FTO: variants seen among roughly 807,000 people sequenced by gnomAD.
FTO encodes the protein FTO alpha-ketoglutarate dependent dioxygenase, also known as alpha-ketoglutarate-dependent dioxygenase FTO.
In FTO, 47 loss-of-function variants were observed where a neutral mutation model predicts 63.9. That is an observed-to-expected ratio of 0.74 (90% CI 0.58 to 0.94). The LOEUF (loss-of-function observed/expected upper bound fraction) is 0.94. Among genes scored for constraint, FTO ranks in the 40% least tolerant of loss-of-function variants. The pLI is 0.00. For synonymous variants in FTO, 207 were observed against 224.4 expected, an observed-to-expected ratio of 0.92 and a Z score of 0.69; for missense variants, 562 against 618.1, an observed-to-expected ratio of 0.91 and a Z score of 0.96.
chr16:53,867,522 T>TGC (rs2080356676), intron 4 of FTO, among the ~76,000 whole-genome samples: 7 of 151,880 alleles, frequency 4.6e-5, no homozygotes, highest in Admixed American at 4.6e-4. Flanking sequence ...TGTGTGTGTG[T>TGC]GTGTGTTTGT....
chr16:53,710,515 G>A (rs375672549), intron 1 of FTO, among the ~76,000 whole-genome samples: 9 of 152,026 alleles, frequency 5.9e-5, no homozygotes, highest in East Asian at 5.8e-4. Flanking sequence ...CACCTGCCTC[G>A]GCCTCCCAAA....
intron 1 of FTO, among the ~76,000 whole-genome samples, chr16:53,739,460 C>A (rs564924552): frequency 6.6e-6 from 1 of 151,752 alleles, no homozygotes; most frequent in Non-Finnish European, 1.5e-5. Flanking sequence ...GTGATCCGCC[C>A]GCCTTGGCCT....
intron 1 of FTO, among the ~76,000 whole-genome samples, chr16:53,792,366 GTATT>G (rs1006127675): frequency 2.0e-5 from 3 of 152,176 alleles, no homozygotes; most frequent in African/African-American, 7.2e-5. Flanking sequence ...ACAGGGGAAA[GTATT>G]TAATGTCTGA....
intron 8 of FTO, among the ~76,000 whole-genome samples, chr16:54,008,262 GACA>G (rs768694813): frequency 6.6e-6 from 1 of 151,946 alleles, no homozygotes; most frequent in Non-Finnish European, 1.5e-5. Flanking sequence ...TGAACCCACC[GACA>G]ACATCACAGA....
chr16:53,965,867 A>AC lies in FTO; in HGVS notation c.1364+31759dup, dbSNP rs2083185024. ...GCCAACCTTATAGAGTAATTTTGAA[A>AC]CTTTTTTTTTTTTTTTTTGAGTTAG... is the stretch of plus-strand genomic sequence containing the variant. On this transcript the variant is annotated intron_variant, in intron 8 of 8. Transcript: ENST00000471389. 2.0e-5 allele frequency: 3 copies of AC among 148,274 alleles called. No individual in the cohort carries two copies. In the South Asian group the frequency reaches 6.4e-4, roughly 32 times the overall value. The allele number at this position is 148,274 out of a possible 1,614,324, so 9.2% of individuals were successfully genotyped here.
At chr16:54,053,788 AC>A (rs2085366044) in intron 8 of FTO, among the ~76,000 whole-genome samples, 3 of 152,180 alleles carry the variant, frequency 2.0e-5, no homozygotes, top group African/African-American at 7.2e-5. Flanking sequence ...GAAACAGTCT[AC>A]AAAAAAAGCA....
At chr16:53,870,836 C>G (rs1233769517) in intron 4 of FTO, among the ~76,000 whole-genome samples, 1 of 152,176 alleles carries the variant, frequency 6.6e-6, no homozygotes, top group Middle Eastern at 3.2e-3. Context: ...TGTAGAATTT[C>G]ATAACTATTC....
chr16:54,111,639 C>T, intron 8 of FTO, 123 bp from the exon 9 acceptor site: 1 of 1,010,928 alleles, frequency 9.9e-7, no homozygotes, highest in East Asian at 2.4e-5. Context: ...CAGTCGTCAC[C>T]ATGACCTTCA....
chr16:53,994,342 C>CT (rs1275742066), intron 8 of FTO: 23 of 152,044 alleles, frequency 1.5e-4, no homozygotes, highest in African/African-American at 5.5e-4. Flanking sequence ...TGGATTCTTT[C>CT]TTTTTATTAT....
chr16:53,707,498 A>G (rs995583753), intron 1 of FTO, among the ~76,000 whole-genome samples: 3 of 152,142 alleles, frequency 2.0e-5, no homozygotes, highest in Non-Finnish European at 4.4e-5. Context: ...ATTCGGACAT[A>G]TCTTTTTGGG....
At chr16:53,718,697 G>A (rs1158813826) in intron 1 of FTO, among the ~76,000 whole-genome samples, 2 of 151,766 alleles carry the variant, frequency 1.3e-5, no homozygotes, top group Admixed American at 1.3e-4. Flanking sequence ...TTGAATTTTA[G>A]GAACATTTTT....
Position 54,114,186 on chromosome 16 carries a change from T to C in FTO, c.*2271T>C, listed in dbSNP as rs1257248175. The C allele has an allele frequency of 6.6e-6, 1 of 152,198 alleles. No individual in the cohort carries two copies. The highest frequency in any genetic ancestry group is 6.5e-5 in the Admixed American group (1 of 15,276). 9.4% of individuals were successfully genotyped at this position (152,198 alleles called of 1,614,324 possible). On this transcript the variant is annotated 3_prime_UTR_variant, in exon 9 of 9. Transcript: ENST00000471389. ...CGCATGGCAGCAAGCTAAATAAGCA[T>C]CTTCCCACTGCGAGTTGGGGCATGA... is the stretch of plus-strand genomic sequence containing the variant.
chr16:53,960,578 G>A (rs566964755), intron 8 of FTO, among the ~76,000 whole-genome samples: 3 of 152,260 alleles, frequency 2.0e-5, no homozygotes, highest in Non-Finnish European at 2.9e-5. Context: ...CTCTGGTGCT[G>A]GGGGAATCTT....
chr16:53,884,329 C>G (rs2080940298), intron 6 of FTO, among the ~76,000 whole-genome samples: 1 of 152,174 alleles, frequency 6.6e-6, no homozygotes, highest in South Asian at 2.1e-4. Context: ...TAAATGTCCC[C>G]TAGAAGAATG....
intron 7 of FTO, among the ~76,000 whole-genome samples, chr16:53,903,700 C>T (rs1178701364): frequency 6.6e-6 from 1 of 152,106 alleles, no homozygotes; most frequent in Non-Finnish European, 1.5e-5. Context: ...CTTATGTAAC[C>T]AGACTTCTAC....
chr16:53,931,311 T>C (rs1226251687), intron 7 of FTO, among the ~76,000 whole-genome samples: 2 of 149,634 alleles, frequency 1.3e-5, no homozygotes, highest in Non-Finnish European at 3.0e-5. Flanking sequence ...TTTTTTTTTT[T>C]TTTTTTTTTT....
At chr16:53,781,052 T>G (rs189024442) in intron 1 of FTO, among the ~76,000 whole-genome samples, 5 of 152,364 alleles carry the variant, frequency 3.3e-5, no homozygotes, top group African/African-American at 1.2e-4. Context: ...GAATCTTATG[T>G]GTCACATTCC....
At chr16:53,967,154 G>A (rs1179546297) in intron 8 of FTO, among the ~76,000 whole-genome samples, 4 of 151,830 alleles carry the variant, frequency 2.6e-5, no homozygotes, top group Non-Finnish European at 2.9e-5. Context: ...TTTTTTGCAC[G>A]GTGGGGATGA....
intron 8 of FTO, among the ~76,000 whole-genome samples, chr16:54,081,239 C>T (rs543653677): frequency 6.6e-6 from 1 of 152,208 alleles, no homozygotes; most frequent in South Asian, 2.1e-4. Context: ...GAAAGTGATA[C>T]GAGAACAGGG....
Sources: gnomAD v4.1 joint callset for allele counts (sites outside exome capture counted in the v4.1 genomes callset) on GRCh38, gnomAD v4.1.1 for gene constraint, MANE v1.5 for transcripts, NCBI Gene and HGNC (gene_info 2026-07-23, HGNC 2026-07-21) for gene names.